Variants in HOOK3 observed in about 807,000 individuals in gnomAD.
HOOK3 encodes protein Hook homolog 3.
HOOK3 carries 24 observed loss-of-function variants against 116.3 expected under a neutral mutation model. The ratio of observed to expected loss-of-function variants is 0.21; its 90% CI spans 0.15 to 0.29. The LOEUF (loss-of-function observed/expected upper bound fraction) is 0.29. Ranked by LOEUF, HOOK3 falls within the 10% of genes least tolerant of loss-of-function variation. HOOK3 has a pLI of 1.00. For synonymous variants in HOOK3, 275 were observed against 283.0 expected (o/e 0.97, Z 0.28); for missense variants, 632 against 830.2 (o/e 0.76, Z 2.93).
At chr8:42,962,762 A>G (rs1586611706) in intron 8 of HOOK3, among the ~76,000 whole-genome samples, 1 of 150,138 alleles carries the variant, frequency 6.7e-6, no homozygotes, top group Non-Finnish European at 1.5e-5. Flanking sequence ...AGTTCTGCCA[A>G]ATATATTGAC....
chr8:42,957,448 T>A (rs1214359607), intron 7 of HOOK3, among the ~76,000 whole-genome samples: 2 of 152,196 alleles, frequency 1.3e-5, no homozygotes, highest in African/African-American at 4.8e-5. Context: ...TCATGAATTT[T>A]TATTTTTCTG....
intron 1 of HOOK3, among the ~76,000 whole-genome samples, chr8:42,898,785 A>G (rs1416920544): frequency 1.3e-5 from 2 of 152,268 alleles, no homozygotes; most frequent in South Asian, 2.1e-4. Context: ...TAAACCCATC[A>G]TAAGTTGAAA....
chr8:42,939,520 G>T (rs994274575), intron 4 of HOOK3, among the ~76,000 whole-genome samples: 2 of 145,824 alleles, frequency 1.4e-5, no homozygotes, highest in Non-Finnish European at 3.1e-5. Flanking sequence ...GCCGGGCGGG[G>T]GGCTGATCCC....
intron 5 of HOOK3, among the ~76,000 whole-genome samples, chr8:42,947,387 G>T (rs1034383089): frequency 1.1e-4 from 17 of 152,190 alleles, no homozygotes; most frequent in African/African-American, 4.1e-4. Flanking sequence ...GTGCACAACT[G>T]TTGAGAGTCA....
chr8:42,937,083 A>G (rs1234575733), intron 4 of HOOK3, among the ~76,000 whole-genome samples: 1 of 152,114 alleles, frequency 6.6e-6, no homozygotes, highest in Non-Finnish European at 1.5e-5. Flanking sequence ...TGGTGTATTC[A>G]GGGATTTGAC....
intron 2 of HOOK3, among the ~76,000 whole-genome samples, chr8:42,923,205 A>G (rs1807694965): frequency 6.6e-6 from 1 of 152,222 alleles, no homozygotes. Flanking sequence ...AAAGACAGAT[A>G]ATAACGAGTA....
In HOOK3 at chr8:43,027,461, T is replaced by A. The variant is rs1809952610; in HGVS notation, c.*8963T>A. On this transcript the variant is annotated 3_prime_UTR_variant, in exon 22 of 22. Coordinates refer to ENST00000307602, the MANE Select transcript of HOOK3 (RefSeq NM_032410.4). ...ACATGCTTTTAAAGTACAAAACGTT[T>A]CTCTTCTACCTTACCCCCTGTTCTA... 2.1e-6 allele frequency: 1 copy of A among 478,140 alleles called. No homozygotes were observed. Among genetic ancestry groups the A allele is most frequent in the African/African-American group, 2.0e-5 (1 of 50,700 alleles). The allele number at this position is 478,140 out of a possible 1,614,324, so 29.6% of individuals were successfully genotyped here.
intron 1 of HOOK3, 52 bp downstream of exon 1, chr8:42,897,240 C>T (rs952435641): frequency 6.8e-6 from 8 of 1,173,094 alleles, no homozygotes; most frequent in Non-Finnish European, 7.5e-6. Context: ...CGCCACCTAC[C>T]GGGACCCTCC....
chr8:43,007,702 A>T, intron 17 of HOOK3, 145 bp from the exon 18 acceptor site: 1 of 413,140 alleles, frequency 2.4e-6, no homozygotes, highest in East Asian at 3.6e-5. Context: ...AAATATATTA[A>T]ATTTGTGTTT....
chr8:42,990,665 G>T (rs187909469), intron 15 of HOOK3, among the ~76,000 whole-genome samples: 2 of 151,812 alleles, frequency 1.3e-5, no homozygotes, highest in African/African-American at 4.8e-5. Flanking sequence ...TTTTAAAATC[G>T]GATTATTGGA....
chr8:42,911,861 T>C (rs1807437608), intron 2 of HOOK3, among the ~76,000 whole-genome samples: 1 of 151,692 alleles, frequency 6.6e-6, no homozygotes, highest in South Asian at 2.1e-4. Flanking sequence ...GTGTCATGAG[T>C]GTAGTTTGGG....
chr8:43,005,961 C>T (rs1054762172), intron 17 of HOOK3, among the ~76,000 whole-genome samples: 2 of 151,586 alleles, frequency 1.3e-5, no homozygotes, highest in African/African-American at 2.4e-5. Flanking sequence ...TCTCAAAGTG[C>T]TGGGATTACA....
At chr8:42,980,598 GAAA>G (rs1586619846) in intron 13 of HOOK3, among the ~76,000 whole-genome samples, 2 of 152,076 alleles carry the variant, frequency 1.3e-5, no homozygotes, top group East Asian at 3.9e-4. Context: ...GGCTTTATAA[GAAA>G]AAGAGGGCCT....
Position 43,017,537 on chromosome 8 carries a change from G to A in HOOK3, c.2017-821G>A, listed in dbSNP as rs566286945. Among the ~76,000 whole-genome samples the A allele has an allele frequency of 5.3e-5, 8 of 152,174 alleles. No individual in the cohort carries two copies. The South Asian group carries it at 1.5e-3, about 28-fold the overall frequency. On this transcript the variant is annotated intron_variant, in intron 21 of 21. Transcript: ENST00000307602. ...CACCTTAGCCTCCCAAAGTGCTGGG[G>A]TTACAGGCATGAGCCACTACTCAGT...
chr8:42,987,768 ACTGT>A (rs1809075493), intron 15 of HOOK3, among the ~76,000 whole-genome samples: 1 of 152,016 alleles, frequency 6.6e-6, no homozygotes. Flanking sequence ...TTTTGTTGTG[ACTGT>A]CTTTTTGTTC....
At chr8:42,992,273 G>A (rs557935405) in intron 15 of HOOK3, among the ~76,000 whole-genome samples, 61 of 149,668 alleles carry the variant, frequency 4.1e-4, no homozygotes, top group African/African-American at 1.5e-3. Context: ...GGTGGTGAGC[G>A]CCTGTAGTCC....
intron 4 of HOOK3, among the ~76,000 whole-genome samples, chr8:42,931,670 G>A (rs557955237): frequency 1.3e-5 from 2 of 151,940 alleles, no homozygotes; most frequent in Non-Finnish European, 2.9e-5. Flanking sequence ...CTGACCTCGT[G>A]ATCTGCCCGC....
intron 3 of HOOK3, among the ~76,000 whole-genome samples, chr8:42,927,355 C>G (rs967307406): frequency 4.7e-5 from 7 of 148,256 alleles, no homozygotes; most frequent in Non-Finnish European, 8.9e-5. Context: ...CTCCCGAGTT[C>G]AAAAGATTCT....
rs1432664681 is a variant in HOOK3, at chr8:43,023,137, T to A, written c.*4639T>A. ...AGGAGAATCATGTGAACCCAGGAGG[T>A]GGAGGTTGCAGTAAGCCGAGATTGT... On this transcript the variant is annotated 3_prime_UTR_variant, in exon 22 of 22. Coordinates refer to ENST00000307602, the MANE Select transcript of HOOK3 (RefSeq NM_032410.4). 7.4e-6 allele frequency: 1 copy of A among 135,264 alleles called. No individual in the cohort carries two copies. Among genetic ancestry groups the A allele is most frequent in the Non-Finnish European group, 1.5e-5 (1 of 67,556 alleles). The allele number at this position is 135,264 out of a possible 1,614,324, so 8.4% of individuals were successfully genotyped here.
Sources: allele counts gnomAD v4.1 joint callset (sites outside exome capture counted in the v4.1 genomes callset), GRCh38; gene constraint gnomAD v4.1.1; transcripts MANE v1.5; gene names NCBI Gene and HGNC (gene_info 2026-07-23, HGNC 2026-07-21).